Variants in DENND1A observed in about 807,000 individuals in gnomAD.
DENND1A encodes DENN domain-containing protein 1A.
Under a neutral mutation model 113.7 loss-of-function variants are expected in DENND1A, and 51 were observed. The observed-to-expected ratio is 0.45, with a 90% CI of 0.36 to 0.57. The LOEUF (loss-of-function observed/expected upper bound fraction) is 0.57, where lower values mean the gene tolerates loss of function less well. Ranked by LOEUF, DENND1A falls within the 20% of genes least tolerant of loss-of-function variation. The pLI is 0.00. For missense variants in DENND1A, 1,258 were observed against 1,395.9 expected (o/e 0.90, Z 1.57); for synonymous variants, 565 against 570.8 (o/e 0.99, Z 0.14).
intron 21 of DENND1A, chr9:123,402,581 C>G: frequency 1.9e-6 from 1 of 534,844 alleles, no homozygotes. Context: ...TCCAACAATC[C>G]TAGACCAAGA....
intron 13 of DENND1A, among the ~76,000 whole-genome samples, chr9:123,462,534 C>T (rs890974063): frequency 3.3e-5 from 5 of 152,176 alleles, no homozygotes; most frequent in South Asian, 2.1e-4. Context: ...CGGTGGCTCA[C>T]GTCTGTAATC....
intron 2 of DENND1A, among the ~76,000 whole-genome samples, chr9:123,850,441 CA>C (rs1843175955): frequency 2.6e-5 from 4 of 152,166 alleles, no homozygotes; most frequent in African/African-American, 9.7e-5. Context: ...AATTAATAGA[CA>C]ATAGTAGAGT....
At chr9:123,747,485 T>C (rs2069613842) in intron 5 of DENND1A, among the ~76,000 whole-genome samples, 1 of 152,174 alleles carries the variant, frequency 6.6e-6, no homozygotes, top group Non-Finnish European at 1.5e-5. Flanking sequence ...AGTTTAAGAC[T>C]TGTGGATTGA....
chr9:123,546,420 TA>T (rs1369574242), intron 13 of DENND1A, among the ~76,000 whole-genome samples: 6 of 151,466 alleles, frequency 4.0e-5, no homozygotes, highest in Non-Finnish European at 4.4e-5. Flanking sequence ...GGCGTGGTGG[TA>T]GGCGCCTGTA....
intron 3 of DENND1A, among the ~76,000 whole-genome samples, chr9:123,781,763 GAGTTAAACATTTTATTTA>G (rs1208273186): frequency 6.6e-6 from 1 of 152,004 alleles, no homozygotes; most frequent in Non-Finnish European, 1.5e-5. Context: ...ACTTTTCTTT[GAGTTAAACATTTTATTTA>G]AAAAAAGGCC....
intron 8 of DENND1A, among the ~76,000 whole-genome samples, chr9:123,661,179 A>T (rs2063215885): frequency 6.6e-6 from 1 of 152,220 alleles, no homozygotes; most frequent in African/African-American, 2.4e-5. Flanking sequence ...GAAGGCTAGG[A>T]GACGGGGTGC....
chr9:123,652,571 G>C (rs369721438), intron 8 of DENND1A, among the ~76,000 whole-genome samples: 41 of 152,276 alleles, frequency 2.7e-4, no homozygotes, highest in African/African-American at 7.0e-4. Context: ...CTAAGCAAAA[G>C]AAAGTACCCA....
chr9:123,749,331 G>C (rs1212165208), intron 5 of DENND1A, among the ~76,000 whole-genome samples: 1 of 152,192 alleles, frequency 6.6e-6, no homozygotes, highest in Non-Finnish European at 1.5e-5. Flanking sequence ...TTTAAACTAA[G>C]TATATACATA....
chr9:123,636,153 C>A (rs2138838124), intron 9 of DENND1A, among the ~76,000 whole-genome samples: 1 of 152,230 alleles, frequency 6.6e-6, no homozygotes, highest in South Asian at 2.1e-4. Context: ...TATGTAGGAA[C>A]CACCACTTTT....
At chr9:123,384,417 G>T (rs1040257040) in intron 22 of DENND1A, among the ~76,000 whole-genome samples, 2 of 152,244 alleles carry the variant, frequency 1.3e-5, no homozygotes, top group Admixed American at 1.3e-4. Flanking sequence ...AGCTTGCCCT[G>T]CTAACCTTGG....
At chr9:123,891,231 C>T (rs1253997038) in intron 1 of DENND1A, among the ~76,000 whole-genome samples, 1 of 152,188 alleles carries the variant, frequency 6.6e-6, no homozygotes, top group African/African-American at 2.4e-5. Flanking sequence ...GTCCCAAGTT[C>T]CCTTTTCTGA....
chr9:123,527,516 C>G (rs1193866730), intron 13 of DENND1A, among the ~76,000 whole-genome samples: 3 of 152,142 alleles, frequency 2.0e-5, no homozygotes, highest in Non-Finnish European at 4.4e-5. Flanking sequence ...AGGATGTTCC[C>G]TCTCACCTAT....
chr9:123,750,056 T>C (rs961025273), intron 5 of DENND1A, among the ~76,000 whole-genome samples: 3 of 152,214 alleles, frequency 2.0e-5, no homozygotes, highest in Non-Finnish European at 4.4e-5. Context: ...AGCTTCCTCC[T>C]GCAGTGGACA....
At chr9:123,719,228 T>A (rs182734684) in intron 5 of DENND1A, among the ~76,000 whole-genome samples, 43 of 152,350 alleles carry the variant, frequency 2.8e-4, no homozygotes, top group Non-Finnish European at 3.2e-4. Flanking sequence ...TCCCAAGTTT[T>A]CGTAGCCCTG....
At chr9:123,864,218 G>A (rs962278832) in intron 2 of DENND1A, among the ~76,000 whole-genome samples, 3 of 152,112 alleles carry the variant, frequency 2.0e-5, no homozygotes, top group Non-Finnish European at 4.4e-5. Context: ...CATTATCCAA[G>A]TTTTATTTGC....
intron 1 of DENND1A, among the ~76,000 whole-genome samples, chr9:123,884,038 G>C (rs1848676295): frequency 2.0e-5 from 3 of 152,058 alleles, no homozygotes. Flanking sequence ...GTTATTTTAA[G>C]GGCCAGGGAA....
At chr9:123,642,945 A>G (rs1276960645) in intron 9 of DENND1A, among the ~76,000 whole-genome samples, 2 of 152,220 alleles carry the variant, frequency 1.3e-5, no homozygotes, top group Non-Finnish European at 2.9e-5. Flanking sequence ...GCAAAAACGA[A>G]GCCAAATCTG....
intron 8 of DENND1A, among the ~76,000 whole-genome samples, chr9:123,665,146 T>C (rs1037494305): frequency 6.6e-6 from 1 of 152,158 alleles, no homozygotes; most frequent in Admixed American, 6.5e-5. Flanking sequence ...AAGTATAGCA[T>C]GTTATGTAAG....
chr9:123,531,064 T>C (rs1237376811), intron 13 of DENND1A, among the ~76,000 whole-genome samples: 1 of 152,204 alleles, frequency 6.6e-6, no homozygotes. Flanking sequence ...AGATATTAAA[T>C]ACATTTAGAA....
Sources: allele counts gnomAD v4.1 joint callset (sites outside exome capture counted in the v4.1 genomes callset), GRCh38; gene constraint gnomAD v4.1.1; transcripts MANE v1.5; gene names NCBI Gene and HGNC (gene_info 2026-07-23, HGNC 2026-07-21).